Variants in INTS9 observed in about 807,000 individuals in gnomAD.
INTS9 encodes the protein protein related to CPSF subunits of 74 kDa.
A neutral mutation model predicts 79.7 loss-of-function variants in INTS9; 55 were observed. That is an observed-to-expected ratio of 0.69 (90% CI 0.56 to 0.86). INTS9 has a LOEUF of 0.86. Ranked by LOEUF, INTS9 falls within the 40% of genes least tolerant of loss-of-function variation. The pLI, the probability that INTS9 is intolerant of heterozygous loss-of-function variation, is 0.00. For synonymous variants in INTS9, 319 were observed against 325.2 expected (o/e 0.98, Z 0.20); for missense variants, 721 against 831.5 (o/e 0.87, Z 1.64).
chr8:28,807,469 T>C (rs1218129454), intron 8 of INTS9, among the ~76,000 whole-genome samples: 1 of 152,166 alleles, frequency 6.6e-6, no homozygotes, highest in Admixed American at 6.5e-5. Flanking sequence ...TGACTATAGA[T>C]TATAAACTTC....
intron 8 of INTS9, among the ~76,000 whole-genome samples, chr8:28,806,440 C>T (rs1480950785): frequency 1.3e-5 from 2 of 152,146 alleles, no homozygotes; most frequent in Admixed American, 6.5e-5. Context: ...TGGCAAACTA[C>T]AGTGAGAAAC....
chr8:28,862,850 G>A (rs143514991), intron 1 of INTS9, among the ~76,000 whole-genome samples: 2 of 152,298 alleles, frequency 1.3e-5, no homozygotes, highest in East Asian at 3.9e-4. Context: ...AGGCAGTTTG[G>A]TGCAATGATA....
chr8:28,788,492 C>T (rs570731856), intron 10 of INTS9, among the ~76,000 whole-genome samples: 9 of 152,292 alleles, frequency 5.9e-5, no homozygotes, highest in African/African-American at 2.2e-4. Context: ...GATCTCGGCT[C>T]ACTGCAACCT....
chr8:28,769,915 C>T lies in INTS9; in HGVS notation c.1774G>A (p.Glu592Lys). Residue 592 changes from glutamate (E) to lysine (K), a missense_variant, in exon 16 of 17, where the codon GAG (glutamate) becomes AAG (lysine). Transcript: ENST00000521022. Reference protein sequence around the residue: ...KPLLSGSIPVEQFVQTLEKHG... With the variant: ...KPLLSGSIPVKQFVQTLEKHG... Reference sequence around the variant, plus strand: ...TTCTCCAGGGTCTGCACGAACTGCTCCACAGGGATGGAACCGCTCAACAAA... The same window carrying T: ...TTCTCCAGGGTCTGCACGAACTGCTTCACAGGGATGGAACCGCTCAACAAA... The T allele has an allele frequency of 6.2e-7, 1 of 1,614,212 alleles. No homozygotes were observed. Among genetic ancestry groups the T allele is most frequent in the South Asian group, 1.1e-5 (1 of 91,090 alleles).
At position 28,767,851 on chromosome 8, in the gene INTS9, C is replaced by T. The variant is rs1025411074; in HGVS notation, c.*295G>A. The T allele has an allele frequency of 7.7e-6, 3 of 388,856 alleles. No individual in the cohort carries two copies. Among genetic ancestry groups the T allele is most frequent in the Non-Finnish European group, 1.4e-5 (3 of 207,932 alleles). The allele number at this position is 388,856 out of a possible 1,614,324, so 24.1% of individuals were successfully genotyped here. A position where few individuals can be genotyped will look rare whatever the true frequency, so the allele number is the denominator to read the frequency against. On this transcript the variant is annotated 3_prime_UTR_variant, in exon 17 of 17. Coordinates refer to ENST00000521022, the MANE Select transcript of INTS9 (RefSeq NM_018250.4). Reference sequence around the variant, plus strand: ...CAAGACAGCCAGCCAGTCACCTCCGCCTCCCATGAACCTCTTGGAAAACTT... The same window carrying T: ...CAAGACAGCCAGCCAGTCACCTCCGTCTCCCATGAACCTCTTGGAAAACTT...
chr8:28,768,142 C>T lies in INTS9; in HGVS notation c.*4G>A. ...ATTTCAGGGAAGTAGCTCAGATGGC[C>T]CACTCAGAACTTCTGTAAGAATTTG... On this transcript the variant is annotated 3_prime_UTR_variant, in exon 17 of 17. Transcript: ENST00000521022. The T allele has an allele frequency of 3.7e-6, 6 of 1,613,930 alleles. No individual in the cohort carries two copies. The South Asian group carries it at 5.5e-5, about 15-fold the overall frequency.
intron 6 of INTS9, among the ~76,000 whole-genome samples, chr8:28,824,471 C>CTACATTTTGAGTGGACAACACTTACT (rs1162570282): frequency 6.6e-6 from 1 of 152,244 alleles, no homozygotes; most frequent in Non-Finnish European, 1.5e-5. Context: ...CCTCTGTCTT[C>CTACATTTTGAGTGGACAACACTTACT]TACATTTTGA....
intron 14 of INTS9, among the ~76,000 whole-genome samples, chr8:28,772,458 A>G (rs1259389052): frequency 6.6e-6 from 1 of 152,186 alleles, no homozygotes; most frequent in Non-Finnish European, 1.5e-5. Context: ...GGTTGCAGTG[A>G]GCCAAGACTG....
intron 1 of INTS9, among the ~76,000 whole-genome samples, chr8:28,869,525 A>G (rs17523818): frequency 0.087 from 13,296 of 152,288 alleles, 798 homozygotes; most frequent in Middle Eastern, 0.18. Flanking sequence ...TCCCTACCTT[A>G]TATTACTCCA....
At chr8:28,839,191 T>C (rs1430886254) in intron 4 of INTS9, among the ~76,000 whole-genome samples, 1 of 152,174 alleles carries the variant, frequency 6.6e-6, no homozygotes, top group Non-Finnish European at 1.5e-5. Flanking sequence ...CCATTCACAA[T>C]TGCTTCAAAG....
At chr8:28,786,869 C>G (rs749324207) in intron 11 of INTS9, among the ~76,000 whole-genome samples, 3 of 152,142 alleles carry the variant, frequency 2.0e-5, no homozygotes, top group African/African-American at 7.2e-5. Context: ...AGGCACCCGC[C>G]ACCACGCCTG....
intron 16 of INTS9, among the ~76,000 whole-genome samples, chr8:28,769,226 C>T (rs1802386521): frequency 6.6e-6 from 1 of 152,202 alleles, no homozygotes; most frequent in Non-Finnish European, 1.5e-5. Flanking sequence ...TCATAGAAAT[C>T]TCCTTCCTTG....
At chr8:28,846,129 G>C (rs1307562055) in intron 4 of INTS9, among the ~76,000 whole-genome samples, 3 of 152,172 alleles carry the variant, frequency 2.0e-5, no homozygotes, top group African/African-American at 7.2e-5. Flanking sequence ...TGTCTGTTAA[G>C]AACCGCACCT....
At chr8:28,793,779 C>CAAAAAAAA in intron 10 of INTS9, 28 bp downstream of exon 10, 1 of 1,188,012 alleles carries the variant, frequency 8.4e-7, no homozygotes, top group Non-Finnish European at 1.1e-6. Context: ...ATAAAATTCA[C>CAAAAAAAA]AAAAAAAAAA....
At position 28,843,348 on chromosome 8, in the gene INTS9, G is replaced by A. The variant is rs80222765; in HGVS notation, c.261+3399C>T. Among the ~76,000 whole-genome samples the A allele has an allele frequency of 3.7e-3, 564 of 152,292 alleles. 8 individuals are homozygous for A. Among genetic ancestry groups the A allele is most frequent in the African/African-American group, 0.013 (540 of 41,552 alleles). On this transcript the variant is annotated intron_variant, in intron 4 of 16. Coordinates refer to ENST00000521022, the MANE Select transcript of INTS9 (RefSeq NM_018250.4). ...CTTCTCTTCCTAATAAATGTTTCTT[G>A]TGACATTTTCTGCCAGAATAGGACA...
chr8:28,826,131 C>T (rs1415461239), intron 6 of INTS9, among the ~76,000 whole-genome samples: 1 of 152,160 alleles, frequency 6.6e-6, no homozygotes, highest in Non-Finnish European at 1.5e-5. Context: ...GAAGAACAGT[C>T]TTGTTAAATA....
chr8:28,837,006 T>A (rs977548510), intron 5 of INTS9, among the ~76,000 whole-genome samples: 4 of 152,170 alleles, frequency 2.6e-5, no homozygotes, highest in Non-Finnish European at 4.4e-5. Context: ...TTTCTTTACC[T>A]AATTCCTCAC....
At chr8:28,803,662 C>T (rs1804646769) in intron 8 of INTS9, among the ~76,000 whole-genome samples, 1 of 152,058 alleles carries the variant, frequency 6.6e-6, no homozygotes, top group Non-Finnish European at 1.5e-5. Flanking sequence ...CCATGATGAC[C>T]TAAGTAAAGT....
At chr8:28,836,976 A>AT (rs928720467) in intron 5 of INTS9, among the ~76,000 whole-genome samples, 2 of 151,766 alleles carry the variant, frequency 1.3e-5, no homozygotes, top group African/African-American at 2.4e-5. Flanking sequence ...AAATTGACAA[A>AT]TTTTTTTTTC....
Sources: allele counts gnomAD v4.1 joint callset (sites outside exome capture counted in the v4.1 genomes callset), GRCh38; gene constraint gnomAD v4.1.1; transcripts MANE v1.5; gene names NCBI Gene and HGNC (gene_info 2026-07-23, HGNC 2026-07-21).